Variants in INTS14 observed in about 807,000 individuals in gnomAD.
INTS14 encodes integrator complex subunit 14, also known as UPF0464 protein C15orf44.
INTS14 carries 27 observed loss-of-function variants against 56.9 expected under a neutral mutation model. The ratio of observed to expected loss-of-function variants is 0.47; its 90% CI spans 0.35 to 0.65. The LOEUF (loss-of-function observed/expected upper bound fraction) is 0.65. INTS14 is among the 30% of genes least tolerant of loss of function. INTS14 has a pLI of 0.00. For synonymous variants in INTS14, 207 were observed against 236.2 expected, an observed-to-expected ratio of 0.88 and a Z score of 1.13; for missense variants, 517 against 632.2, an observed-to-expected ratio of 0.82 and a Z score of 1.95.
In INTS14 at chr15:65,579,632, G is replaced by C. The variant is rs142953011; in HGVS notation, c.1333C>G (p.Leu445Val). 3.9e-4 allele frequency: 632 copies of C among 1,613,992 alleles called. 6 individuals carry two copies. In the South Asian group the frequency reaches 4.2e-3, roughly 11 times the overall value. Residue 445 changes from leucine to valine, a missense_variant, in exon 12 of 12, where the codon CTA (leucine) becomes GTA (valine). Leu to Val is a conservative substitution (Grantham distance 32). Transcript: ENST00000313182. ...AGCAGGTCCAGGAAACCAAAGGCTA[G>C]AGCGGCCTTTCGCAAACGGTTCAGC... ...KELNRLRKAA[L>V]AFGFLDLLKG...
At chr15:65,590,403 A>T (rs527955257) in intron 9 of INTS14, among the ~76,000 whole-genome samples, 9 of 152,316 alleles carry the variant, frequency 5.9e-5, no homozygotes, top group Non-Finnish European at 7.4e-5. Flanking sequence ...AGTATCTGCA[A>T]GATAAATTCC....
At chr15:65,609,533 T>C (rs1391704665) in intron 1 of INTS14, among the ~76,000 whole-genome samples, 1 of 152,184 alleles carries the variant, frequency 6.6e-6, no homozygotes, top group African/African-American at 2.4e-5. Flanking sequence ...TCACAGTAAC[T>C]GGCACATAGT....
chr15:65,587,493 G>A (rs1379105400), intron 9 of INTS14, among the ~76,000 whole-genome samples: 1 of 152,108 alleles, frequency 6.6e-6, no homozygotes, highest in Non-Finnish European at 1.5e-5. Flanking sequence ...AATACAAATT[G>A]GTATAGCTTA....
intron 9 of INTS14, among the ~76,000 whole-genome samples, chr15:65,585,207 A>C (rs2072773959): frequency 6.6e-6 from 1 of 152,012 alleles, no homozygotes; most frequent in African/African-American, 2.4e-5. Flanking sequence ...ACATAGACAC[A>C]CATATATATA....
In INTS14 at chr15:65,579,112, G is replaced by C; in HGVS notation, c.*296C>G. ...CGGTCAGGTTTCCTGAGGAAGGCAG[G>C]GGTGCTCTATGCTCATCAGTCATTC... On this transcript the variant is annotated 3_prime_UTR_variant, in exon 12 of 12. Coordinates refer to ENST00000313182, the MANE Select transcript of INTS14 (RefSeq NM_001394796.1). 3.8e-6 allele frequency: 1 copy of C among 266,404 alleles called. No individual in the cohort carries two copies. Among genetic ancestry groups the C allele is most frequent in the South Asian group, 8.2e-5 (1 of 12,230 alleles). 16.5% of individuals were successfully genotyped at this position (266,404 alleles called of 1,614,324 possible).
At position 65,607,369 on chromosome 15, in the gene INTS14, C is replaced by T; in HGVS notation, c.12G>A (p.Val4=). The T allele has an allele frequency of 6.2e-7, 1 of 1,614,194 alleles. No homozygotes were observed. Among genetic ancestry groups the T allele is most frequent in the Non-Finnish European group, 8.5e-7 (1 of 1,180,028 alleles). MPT[V]VVMDVSLSMT... is the part of the protein sequence containing the mutation. ...TGGAAAGGGATACATCCATTACCAC[C>T]ACTGTCGGCATGATGAAAATGATCC... Residue 4 remains valine (V), a synonymous_variant, in exon 2 of 12, where the codon GTG becomes GTA. Transcript: ENST00000313182.
intron 8 of INTS14, among the ~76,000 whole-genome samples, chr15:65,593,114 A>T (rs571683709): frequency 8.8e-5 from 13 of 147,020 alleles, no homozygotes; most frequent in African/African-American, 3.1e-4. Context: ...AAAAAAAAAA[A>T]TTAGCCAGGC....
chr15:65,589,051 T>C (rs1190803684), intron 9 of INTS14, among the ~76,000 whole-genome samples: 1 of 152,220 alleles, frequency 6.6e-6, no homozygotes, highest in Non-Finnish European at 1.5e-5. Flanking sequence ...GAAGAACAAT[T>C]GTAACAAGCC....
At chr15:65,598,059 A>G (rs2073277892) in intron 6 of INTS14, among the ~76,000 whole-genome samples, 1 of 152,194 alleles carries the variant, frequency 6.6e-6, no homozygotes, top group East Asian at 1.9e-4. Flanking sequence ...ACGAAGCTCA[A>G]AGGAAATGCT....
At chr15:65,608,916 C>A (rs115580506) in intron 1 of INTS14, among the ~76,000 whole-genome samples, 1 of 152,236 alleles carries the variant, frequency 6.6e-6, no homozygotes, top group Admixed American at 6.5e-5. Context: ...GTTTTTGAGA[C>A]GGAGTCTTGC....
Position 65,610,338 on chromosome 15 carries a change from G to A in INTS14, c.-63+760C>T, listed in dbSNP as rs576664192. 7.2e-5 allele frequency among the ~76,000 whole-genome samples: 11 copies of A among 152,264 alleles called. No homozygotes were observed. In the East Asian group the frequency reaches 2.1e-3, roughly 29 times the overall value. ...CGCGCCACTGCTCTTCAGCCTGGGC[G>A]ACAGAGCGAGACTCCGTCTTGGGTG... On this transcript the variant is annotated intron_variant, in intron 1 of 11. Transcript: ENST00000313182.
Position 65,579,997 on chromosome 15 carries a change from T to C in INTS14, c.1306-338A>G, listed in dbSNP as rs754513563. On this transcript the variant is annotated intron_variant, in intron 11 of 11. Coordinates refer to ENST00000313182, the MANE Select transcript of INTS14 (RefSeq NM_001394796.1). ...AAGGAGGAGTACTTTTCCCCTGTTATTTAGGTATGGAAAAGACTTGCCCTC... is the reference window on the plus strand; with the variant it reads ...AAGGAGGAGTACTTTTCCCCTGTTACTTAGGTATGGAAAAGACTTGCCCTC... Among the ~76,000 whole-genome samples, 3 of 152,152 alleles carry C rather than the reference T, an allele frequency of 2.0e-5. No individual in the cohort carries two copies. In the South Asian group the frequency reaches 6.2e-4, roughly 32 times the overall value.
chr15:65,584,164 A>G (rs997372920), intron 10 of INTS14, among the ~76,000 whole-genome samples: 3 of 152,230 alleles, frequency 2.0e-5, no homozygotes, highest in African/African-American at 4.8e-5. Flanking sequence ...ATATTATCAT[A>G]TGTTCCTGAA....
chr15:65,596,605 T>C (rs2073220874), intron 6 of INTS14, among the ~76,000 whole-genome samples: 1 of 152,170 alleles, frequency 6.6e-6, no homozygotes, highest in African/African-American at 2.4e-5. Flanking sequence ...AGTTTCGCTC[T>C]TGTTGCCCAG....
chr15:65,582,094 C>T, intron 10 of INTS14, 75 bp from the exon 11 acceptor site: 1 of 1,283,514 alleles, frequency 7.8e-7, no homozygotes, highest in Non-Finnish European at 1.1e-6. Flanking sequence ...AAGAATGGAT[C>T]TAAATGTTTA....
chr15:65,600,311 T>A (rs1566929321), intron 3 of INTS14, among the ~76,000 whole-genome samples: 3 of 148,162 alleles, frequency 2.0e-5, no homozygotes, highest in African/African-American at 7.5e-5. Context: ...TCTGTCTTTT[T>A]AAAACAAAAC....
intron 8 of INTS14, 45 bp from the exon 9 acceptor site, chr15:65,591,776 G>C: frequency 6.2e-7 from 1 of 1,601,922 alleles, no homozygotes; most frequent in Non-Finnish European, 8.5e-7. Flanking sequence ...TCAAGCCTGA[G>C]ACTGTCAAGT....
At chr15:65,586,284 T>C (rs1314758994) in intron 9 of INTS14, 1 of 152,214 alleles carries the variant, frequency 6.6e-6, no homozygotes, top group South Asian at 2.1e-4. Flanking sequence ...AAGATGTTAT[T>C]AGTCCCATTA....
At chr15:65,600,313 A>G (rs2073383263) in intron 3 of INTS14, among the ~76,000 whole-genome samples, 1 of 149,870 alleles carries the variant, frequency 6.7e-6, no homozygotes, top group African/African-American at 2.5e-5. Context: ...TGTCTTTTTA[A>G]AACAAAACAA....
Sources: allele counts gnomAD v4.1 joint callset (sites outside exome capture counted in the v4.1 genomes callset), GRCh38; gene constraint gnomAD v4.1.1; transcripts MANE v1.5; gene names NCBI Gene and HGNC (gene_info 2026-07-23, HGNC 2026-07-21).